Variants in GABRB1 observed in about 807,000 individuals in gnomAD.
The protein encoded by GABRB1 is gamma-aminobutyric acid type A receptor subunit beta1.
A neutral mutation model predicts 51.6 loss-of-function variants in GABRB1; 17 were observed. That is an observed-to-expected ratio of 0.33 (90% confidence interval 0.23 to 0.49). The LOEUF (loss-of-function observed/expected upper bound fraction) is 0.49. Among genes scored for constraint, GABRB1 ranks in the 20% least tolerant of loss-of-function variants. The probability of loss-of-function intolerance (pLI) is 0.99; values close to 1 mark genes in which losing one functional copy is unlikely to be tolerated. For missense variants in GABRB1, 410 were observed against 600.6 expected, an observed-to-expected ratio of 0.68 and a Z score of 3.32; for synonymous variants, 247 against 218.9, an observed-to-expected ratio of 1.13 and a Z score of -1.14.
At chr4:47,373,300 T>C (rs920806135) in intron 5 of GABRB1, among the ~76,000 whole-genome samples, 13 of 152,206 alleles carry the variant, frequency 8.5e-5, no homozygotes, top group Admixed American at 2.6e-4. Context: ...AGAATGGTGG[T>C]TGAAATGACA....
rs182444593 is a variant in GABRB1, at chr4:47,255,060, G to T, written c.462-65067G>T. ...TTGAAAGAAGAATCCTTGAGAAAAA[G>T]AATTCAGGTAATTGCTTTCTCTGTA... On this transcript the variant is annotated intron_variant, in intron 4 of 8. Transcript: ENST00000295454. 5.3e-5 allele frequency among the ~76,000 whole-genome samples: 8 copies of T among 152,256 alleles called. No individual in the cohort carries two copies. In the East Asian group the frequency reaches 1.5e-3, roughly 29 times the overall value.
Position 47,181,710 on chromosome 4 carries a change from T to C in GABRB1, c.461+20241T>C, listed in dbSNP as rs567603150. ...ATAATTTGTGCTCATAAATAGCTGC[T>C]ATTGTTGTAATGATTAGCATTCTGA... is the stretch of plus-strand genomic sequence containing the variant. On this transcript the variant is annotated intron_variant, in intron 4 of 8. Coordinates refer to ENST00000295454, the MANE Select transcript of GABRB1 (RefSeq NM_000812.4). Among the ~76,000 whole-genome samples the C allele has an allele frequency of 1.7e-4, 26 of 152,176 alleles. No homozygotes were observed. In the South Asian group the frequency reaches 5.2e-3, roughly 30 times the overall value.
intron 5 of GABRB1, among the ~76,000 whole-genome samples, chr4:47,360,434 C>T (rs1726764318): frequency 6.6e-6 from 1 of 151,516 alleles, no homozygotes; most frequent in African/African-American, 2.4e-5. Flanking sequence ...AGGGAAATAG[C>T]CAATTTCCTA....
At chr4:47,291,179 T>C (rs1477682848) in intron 4 of GABRB1, among the ~76,000 whole-genome samples, 1 of 152,028 alleles carries the variant, frequency 6.6e-6, no homozygotes, top group Non-Finnish European at 1.5e-5. Flanking sequence ...ACTCCAGCCA[T>C]GACTAAAATG....
At chr4:47,131,891 A>T (rs1167733020) in intron 3 of GABRB1, among the ~76,000 whole-genome samples, 4 of 151,580 alleles carry the variant, frequency 2.6e-5, no homozygotes, top group Non-Finnish European at 5.9e-5. Context: ...GAGCAATATA[A>T]TTTTTTTTTC....
At chr4:47,390,744 T>C (rs1039567189) in intron 5 of GABRB1, among the ~76,000 whole-genome samples, 1 of 152,180 alleles carries the variant, frequency 6.6e-6, no homozygotes, top group Non-Finnish European at 1.5e-5. Flanking sequence ...TGTTTAGGTG[T>C]GAGTAAATTG....
chr4:47,207,448 C>G (rs912945357), intron 4 of GABRB1, among the ~76,000 whole-genome samples: 1 of 152,148 alleles, frequency 6.6e-6, no homozygotes, highest in African/African-American at 2.4e-5. Flanking sequence ...TGAATCAGAA[C>G]TGACTTCTCC....
intron 3 of GABRB1, among the ~76,000 whole-genome samples, chr4:47,078,269 G>A (rs758544069): frequency 5.4e-4 from 82 of 151,830 alleles, no homozygotes; most frequent in Non-Finnish European, 9.3e-4. Context: ...ACAGGCATGA[G>A]CCATCGCGCC....
At chr4:47,311,985 T>A (rs568102067) in intron 4 of GABRB1, among the ~76,000 whole-genome samples, 21 of 151,954 alleles carry the variant, frequency 1.4e-4, no homozygotes, top group Non-Finnish European at 2.8e-4. Flanking sequence ...GGATAAGAAG[T>A]TCAGCCCCTT....
At chr4:47,149,609 C>T (rs1054330409) in intron 3 of GABRB1, among the ~76,000 whole-genome samples, 5 of 151,984 alleles carry the variant, frequency 3.3e-5, no homozygotes, top group African/African-American at 9.7e-5. Context: ...TTTGTTTTCC[C>T]ATGCCATTAG....
intron 4 of GABRB1, among the ~76,000 whole-genome samples, chr4:47,179,828 C>T (rs984983982): frequency 2.6e-5 from 4 of 152,080 alleles, no homozygotes; most frequent in Non-Finnish European, 5.9e-5. Context: ...TGCCTTGACT[C>T]TATTTTCTGG....
chr4:47,206,671 C>T (rs182377348), intron 4 of GABRB1, among the ~76,000 whole-genome samples: 24 of 151,876 alleles, frequency 1.6e-4, no homozygotes, highest in African/African-American at 5.3e-4. Context: ...ATGGAGATAA[C>T]TTATCCAATG....
At chr4:47,263,421 A>G (rs1722529512) in intron 4 of GABRB1, among the ~76,000 whole-genome samples, 1 of 152,168 alleles carries the variant, frequency 6.6e-6, no homozygotes, top group Non-Finnish European at 1.5e-5. Context: ...CGGGAAGAAG[A>G]GAAAAACAAC....
rs540688967 is a variant in GABRB1 at position 47,425,876 on chromosome 4, G to A, written c.1283G>A (p.Arg428His). 4.0e-5 allele frequency: 65 copies of A among 1,613,964 alleles called. No homozygotes were observed. Among genetic ancestry groups the A allele is most frequent in the Non-Finnish European group, 5.1e-5 (60 of 1,179,986 alleles). ...CGGCACGGGGTACCCAGCAAGGGGCGCATCCGCAGGCGTGCCTCCCAGCTC... is the reference window on the plus strand; with the variant it reads ...CGGCACGGGGTACCCAGCAAGGGGCACATCCGCAGGCGTGCCTCCCAGCTC... ...LDRHGVPSKG[R>H]IRRRASQLKV... The change falls in exon 9 of 9, where the codon CGC (arginine) becomes CAC (histidine). Residue 428 changes from arginine (R) to histidine (H), a missense_variant. Transcript: ENST00000295454.
chr4:47,011,704 T>A (rs1231196240), intron 1 of GABRB1, among the ~76,000 whole-genome samples: 1 of 152,184 alleles, frequency 6.6e-6, no homozygotes, highest in Non-Finnish European at 1.5e-5. Flanking sequence ...ATTCATATTC[T>A]CTGAGTAAAA....
rs192631310 is a variant in GABRB1, at chr4:47,362,510, G to A, written c.545-40808G>A. Among the ~76,000 whole-genome samples the A allele has an allele frequency of 4.7e-3, 720 of 152,154 alleles. 7 individuals are homozygous for A. The highest frequency in any genetic ancestry group is 6.6e-3 in the African/African-American group (276 of 41,506). ...CAAGTTATAAAATTCGAGCATTTTC[G>A]AAGGTTTGAGTAGTTTGTAATCCAT... On this transcript the variant is annotated intron_variant, in intron 5 of 8. Coordinates refer to ENST00000295454, the MANE Select transcript of GABRB1 (RefSeq NM_000812.4).
Position 47,031,724 on chromosome 4 carries a change from G to T in GABRB1, c.73G>T (p.Ala25Ser). The T allele has an allele frequency of 1.9e-6, 3 of 1,612,902 alleles. No individual in the cohort carries two copies. The highest frequency in any genetic ancestry group is 2.5e-6 in the Non-Finnish European group (3 of 1,179,012). ...TGTGATGATTACCATGGTCTGTTGT[G>T]CACACAGGTGAGCTGCTGTTGTTGA... The part of the protein sequence containing the change: ...FPVMITMVCC[A>S]HSTNEPSNMS... Residue 25 changes from alanine (A) to serine (S), a missense_variant, in exon 1 of 9, where the codon GCA (alanine) becomes TCA (serine). This residue lies in a region of GABRB1 where 56 missense variants were observed against 54.8 expected (regional missense o/e 1.02). Coordinates refer to ENST00000295454, the MANE Select transcript of GABRB1 (RefSeq NM_000812.4).
intron 5 of GABRB1, among the ~76,000 whole-genome samples, chr4:47,363,799 TG>T (rs2110012403): frequency 6.6e-6 from 1 of 152,292 alleles, no homozygotes; most frequent in East Asian, 1.9e-4. Flanking sequence ...CTGGCAGTCA[TG>T]GTACTTAGAG....
chr4:47,334,375 C>T (rs1032760843), intron 5 of GABRB1, among the ~76,000 whole-genome samples: 2 of 152,152 alleles, frequency 1.3e-5, no homozygotes, highest in Non-Finnish European at 2.9e-5. Flanking sequence ...ACACTGTTTG[C>T]TCAGCCCTTG....
Sources: gnomAD v4.1 joint callset for allele counts (sites outside exome capture counted in the v4.1 genomes callset) on GRCh38, gnomAD v4.1.1 for gene constraint, gnomAD v4.1.1 regional missense constraint, MANE v1.5 for transcripts, NCBI Gene and HGNC (gene_info 2026-07-23, HGNC 2026-07-21) for gene names.